The following FHIT variants were observed in gnomAD, a reference collection of about 807,000 sequenced individuals.
The protein encoded by FHIT is bis(5'-adenosyl)-triphosphatase.
In FHIT, 19 loss-of-function variants were observed where a neutral mutation model predicts 17.9. The ratio of observed to expected loss-of-function variants is 1.06; its 90% CI spans 0.74 to 1.56. The LOEUF is 1.56. Ranked by LOEUF, FHIT falls within the 40% of genes most tolerant of loss-of-function variation. FHIT has a pLI of 0.00. For synonymous variants in FHIT, 81 were observed against 69.7 expected (o/e 1.16, Z -0.81); for missense variants, 248 against 189.2 (o/e 1.31, Z -1.82).
intron 2 of FHIT, among the ~76,000 whole-genome samples, chr3:61,161,914 A>G (rs768625583): frequency 3.3e-5 from 5 of 152,208 alleles, no homozygotes; most frequent in Non-Finnish European, 5.9e-5. Context: ...GATATGGAAA[A>G]CAAGGTGTCT....
intron 8 of FHIT, among the ~76,000 whole-genome samples, chr3:59,887,647 G>A (rs1703684589): frequency 6.6e-6 from 1 of 152,092 alleles, no homozygotes; most frequent in Non-Finnish European, 1.5e-5. Flanking sequence ...AAAATACCAG[G>A]GTGCAATTGC....
chr3:60,569,751 A>ATTTTTTT (rs1272456475), intron 4 of FHIT, among the ~76,000 whole-genome samples: 2 of 69,782 alleles, frequency 2.9e-5, no homozygotes, highest in African/African-American at 1.2e-4. Flanking sequence ...ATATATATAT[A>ATTTTTTT]TATATTTTTT....
At chr3:60,177,299 T>G (rs551971736) in intron 5 of FHIT, among the ~76,000 whole-genome samples, 3 of 148,374 alleles carry the variant, frequency 2.0e-5, no homozygotes, top group African/African-American at 7.4e-5. Context: ...AAGTTGAACT[T>G]GACCTAGAAT....
chr3:60,834,775 G>C lies in FHIT; in HGVS notation c.-110-12764C>G, dbSNP rs192086192. ...AGCTATTCCAGAGCCTCAGGCAGGA[G>C]AATTGCTTGAACCTGGGAGGCAGAA... On this transcript the variant is annotated intron_variant, in intron 3 of 9. Transcript: ENST00000492590. Among the ~76,000 whole-genome samples, 267 of 151,258 alleles carry C rather than the reference G, an allele frequency of 1.8e-3. 2 individuals carry two copies. Among genetic ancestry groups the C allele is most frequent in the African/African-American group, 6.4e-3 (263 of 41,254 alleles).
chr3:60,148,760 CTT>C (rs1700342327), intron 5 of FHIT, among the ~76,000 whole-genome samples: 1 of 152,164 alleles, frequency 6.6e-6, no homozygotes, highest in Non-Finnish European at 1.5e-5. Context: ...GGTTTACATC[CTT>C]TGCTCAGAAG....
chr3:59,812,037 G>C (rs1194084365), intron 8 of FHIT, among the ~76,000 whole-genome samples: 2 of 152,144 alleles, frequency 1.3e-5, no homozygotes, highest in African/African-American at 4.8e-5. Context: ...TCTCAACTGG[G>C]GGAGATTCTG....
chr3:60,446,060 A>G (rs1434835003), intron 5 of FHIT, among the ~76,000 whole-genome samples: 1 of 152,144 alleles, frequency 6.6e-6, no homozygotes, highest in Non-Finnish European at 1.5e-5. Flanking sequence ...CTACAGTACA[A>G]GTAGTAACAA....
At chr3:60,540,748 T>G (rs1054012877) in intron 4 of FHIT, among the ~76,000 whole-genome samples, 1 of 152,146 alleles carries the variant, frequency 6.6e-6, no homozygotes, top group African/African-American at 2.4e-5. Flanking sequence ...CAGAGAGCTG[T>G]GCAAATGTCA....
chr3:59,911,467 T>C (rs1704872493), intron 8 of FHIT, among the ~76,000 whole-genome samples: 1 of 152,120 alleles, frequency 6.6e-6, no homozygotes, highest in Admixed American at 6.5e-5. Flanking sequence ...GTGGGCCTTT[T>C]AGGGGAGCAA....
intron 5 of FHIT, among the ~76,000 whole-genome samples, chr3:60,097,348 A>G (rs1262316094): frequency 1.3e-5 from 2 of 152,146 alleles, no homozygotes; most frequent in African/African-American, 2.4e-5. Flanking sequence ...GAATTTCCCT[A>G]GGAGCCCAGG....
rs572205154 is a variant in FHIT at position 60,671,555 on chromosome 3, C to T, written c.-17-134576G>A. On this transcript the variant is annotated intron_variant, in intron 4 of 9. Coordinates refer to ENST00000492590, the MANE Select transcript of FHIT (RefSeq NM_002012.4). ...ATAAAATTACTTCAGTTTTCATATA[C>T]GTTTAATTTTTTCATAATACAATAT... Among the ~76,000 whole-genome samples, 10 of 152,082 alleles carry T rather than the reference C, an allele frequency of 6.6e-5. No homozygotes were observed. In the South Asian group the frequency reaches 1.9e-3, roughly 28 times the overall value.
chr3:60,436,985 T>C (rs1307201620), intron 5 of FHIT, among the ~76,000 whole-genome samples: 1 of 152,038 alleles, frequency 6.6e-6, no homozygotes, highest in Non-Finnish European at 1.5e-5. Context: ...CAAGTATAAA[T>C]AAAGTAAAGA....
At chr3:60,197,108 C>A (rs748100208) in intron 5 of FHIT, among the ~76,000 whole-genome samples, 1 of 152,134 alleles carries the variant, frequency 6.6e-6, no homozygotes, top group Non-Finnish European at 1.5e-5. Flanking sequence ...CTTTAAAATT[C>A]GAAAAGCAGC....
rs577873182 is a variant in FHIT at position 59,886,254 on chromosome 3, C to A, written c.348+36092G>T. 3.9e-5 allele frequency: 6 copies of A among 152,344 alleles called. No homozygotes were observed. The East Asian group carries it at 1.2e-3, about 29-fold the overall frequency. The allele number at this position is 152,344 out of a possible 1,614,324, so 9.4% of individuals were successfully genotyped here. ...CTTCACTCGCTCATTCCCAGGTGAG[C>A]CTGAGGCCACATTTCACCTGAGCAT... On this transcript the variant is annotated intron_variant, in intron 8 of 9. Coordinates refer to ENST00000492590, the MANE Select transcript of FHIT (RefSeq NM_002012.4).
intron 5 of FHIT, among the ~76,000 whole-genome samples, chr3:60,422,589 A>T (rs1179837879): frequency 6.6e-6 from 1 of 152,154 alleles, no homozygotes; most frequent in Non-Finnish European, 1.5e-5. Context: ...AGGGTAACTT[A>T]AAAAGACAGT....
chr3:59,961,477 G>C (rs926406834), intron 7 of FHIT, among the ~76,000 whole-genome samples: 1 of 152,158 alleles, frequency 6.6e-6, no homozygotes, highest in Non-Finnish European at 1.5e-5. Context: ...AACTCCTGCA[G>C]CTAGCTCAGT....
intron 4 of FHIT, among the ~76,000 whole-genome samples, chr3:60,709,514 T>A (rs1157930486): frequency 6.6e-6 from 1 of 152,226 alleles, no homozygotes; most frequent in African/African-American, 2.4e-5. Flanking sequence ...TTTAGTGCTC[T>A]GTTATGTGAA....
chr3:60,396,346 T>C (rs1701439014), intron 5 of FHIT, among the ~76,000 whole-genome samples: 1 of 151,924 alleles, frequency 6.6e-6, no homozygotes, highest in African/African-American at 2.4e-5. Context: ...GGGGAAGGAG[T>C]AAATCCCCTT....
At chr3:60,898,146 G>C (rs1705925517) in intron 3 of FHIT, among the ~76,000 whole-genome samples, 1 of 151,860 alleles carries the variant, frequency 6.6e-6, no homozygotes, top group Non-Finnish European at 1.5e-5. Context: ...TTGCTATTTT[G>C]TAATCTGTTT....
Sources: allele counts gnomAD v4.1 joint callset (sites outside exome capture counted in the v4.1 genomes callset), GRCh38; gene constraint gnomAD v4.1.1; transcripts MANE v1.5; gene names NCBI Gene and HGNC (gene_info 2026-07-23, HGNC 2026-07-21).